The following ADAMTS3 variants were observed in gnomAD, a reference collection of about 807,000 sequenced individuals.
ADAMTS3 encodes ADAM metallopeptidase with thrombospondin type 1 motif 3.
In ADAMTS3, 73 loss-of-function variants were observed where a neutral mutation model predicts 129.0. The observed-to-expected ratio is 0.57, with a 90% CI of 0.47 to 0.69. The LOEUF (loss-of-function observed/expected upper bound fraction) is 0.69, where lower values mean the gene tolerates loss of function less well. Among genes scored for constraint, ADAMTS3 ranks in the 30% least tolerant of loss-of-function variants. The probability of loss-of-function intolerance (pLI) is 0.00; values close to 1 mark genes in which losing one functional copy is unlikely to be tolerated. For synonymous variants in ADAMTS3, 477 were observed against 510.8 expected (o/e 0.93, Z 0.89); for missense variants, 1,457 against 1,514.5 (o/e 0.96, Z 0.63).
chr4:72,372,969 C>G (rs778373693), intron 4 of ADAMTS3, among the ~76,000 whole-genome samples: 1 of 152,122 alleles, frequency 6.6e-6, no homozygotes, highest in South Asian at 2.1e-4. Flanking sequence ...CACTTTAATT[C>G]CATACATATT....
chr4:72,320,639 A>G, intron 7 of ADAMTS3, 75 bp downstream of exon 7: 1 of 1,484,776 alleles, frequency 6.7e-7, no homozygotes, highest in Non-Finnish European at 9.2e-7. Flanking sequence ...GAACATTTGA[A>G]CAGACTGCCT....
At chr4:72,497,451 C>T (rs761771119) in intron 3 of ADAMTS3, among the ~76,000 whole-genome samples, 1 of 151,578 alleles carries the variant, frequency 6.6e-6, no homozygotes, top group Non-Finnish European at 1.5e-5. Flanking sequence ...CTATCTATTG[C>T]TTACATTTTT....
chr4:72,346,845 C>A (rs1460093771), intron 4 of ADAMTS3, among the ~76,000 whole-genome samples: 1 of 152,036 alleles, frequency 6.6e-6, no homozygotes, highest in Non-Finnish European at 1.5e-5. Context: ...CGAACTTACA[C>A]CCTCTTCATC....
At chr4:72,490,093 T>G (rs889205351) in intron 3 of ADAMTS3, among the ~76,000 whole-genome samples, 10 of 151,940 alleles carry the variant, frequency 6.6e-5, no homozygotes, top group African/African-American at 2.4e-4. Flanking sequence ...GAGTTTGATC[T>G]GCATTTCCCT....
intron 4 of ADAMTS3, among the ~76,000 whole-genome samples, chr4:72,345,578 A>G (rs1720258765): frequency 6.6e-6 from 1 of 152,142 alleles, no homozygotes; most frequent in Non-Finnish European, 1.5e-5. Context: ...TCAAAGAACT[A>G]TATTCAGGTC....
At chr4:72,553,865 T>C (rs1039117774) in intron 2 of ADAMTS3, among the ~76,000 whole-genome samples, 5 of 152,218 alleles carry the variant, frequency 3.3e-5, no homozygotes, top group Non-Finnish European at 5.9e-5. Flanking sequence ...CACTTCAGCC[T>C]TTTCTGTAAA....
chr4:72,331,305 C>T (rs1719844617), intron 5 of ADAMTS3, among the ~76,000 whole-genome samples: 2 of 151,994 alleles, frequency 1.3e-5, no homozygotes, highest in South Asian at 4.2e-4. Flanking sequence ...TATGTTCAAT[C>T]CACATTGGGG....
In ADAMTS3 at chr4:72,526,839, G is replaced by A. The variant is rs1720830042; in HGVS notation, c.504+21639C>T. Among the ~76,000 whole-genome samples the A allele has an allele frequency of 2.8e-5, 4 of 143,592 alleles. No homozygotes were observed. The Admixed American group carries it at 2.9e-4, about 10-fold the overall frequency. 94.2% of individuals were successfully genotyped at this position (143,592 alleles called of 152,430 possible). On this transcript the variant is annotated intron_variant, in intron 3 of 21. Coordinates refer to ENST00000286657, the MANE Select transcript of ADAMTS3 (RefSeq NM_014243.3). The stretch of plus-strand genomic sequence containing the variant: ...ATGTATCTATGTTTCAATCCAAGCT[G>A]CCCACACTATCTCAAATATTAGGTG...
At chr4:72,419,107 G>A (rs1196778176) in intron 3 of ADAMTS3, among the ~76,000 whole-genome samples, 2 of 152,088 alleles carry the variant, frequency 1.3e-5, no homozygotes, top group Admixed American at 6.6e-5. Flanking sequence ...TCACAAAAAT[G>A]AGGTGCCCCC....
In ADAMTS3 at chr4:72,304,030, C is replaced by T. The variant is rs1719022482; in HGVS notation, c.2311G>A (p.Glu771Lys). ...TCTATGAAGGTCCGCGACTTGGCTTCCTCCCCTTTGCCATTTAAAATATAA... is the reference window on the plus strand; with the variant it reads ...TCTATGAAGGTCCGCGACTTGGCTTTCTCCCCTTTGCCATTTAAAATATAA... ...GHYILNGKGEEAKSRTFIDLG... is the reference protein window; with the variant it reads ...GHYILNGKGEKAKSRTFIDLG... The change falls in exon 17 of 22, where the codon GAA becomes AAA. Residue 771 changes from glutamate to lysine, a missense_variant. Physicochemically the swap from Glu to Lys is moderately conservative, Grantham distance 56 (BLOSUM62 1). Coordinates refer to ENST00000286657, the MANE Select transcript of ADAMTS3 (RefSeq NM_014243.3). 1.2e-6 allele frequency: 2 copies of T among 1,613,586 alleles called. No homozygotes were observed. The highest frequency in any genetic ancestry group is 2.2e-5 in the South Asian group (2 of 91,084).
intron 3 of ADAMTS3, among the ~76,000 whole-genome samples, chr4:72,529,745 T>C (rs1288750328): frequency 4.5e-5 from 5 of 112,318 alleles, no homozygotes; most frequent in Non-Finnish European, 8.5e-5. Flanking sequence ...ATTTATTTAA[T>C]ATATTGTATA....
chr4:72,304,449 T>C (rs1338585994), intron 16 of ADAMTS3, among the ~76,000 whole-genome samples: 1 of 152,156 alleles, frequency 6.6e-6, no homozygotes, highest in African/African-American at 2.4e-5. Context: ...CAATAATTAA[T>C]AGAAACAATT....
At position 72,291,062 on chromosome 4, in the gene ADAMTS3, G is replaced by A; in HGVS notation, c.2724C>T (p.Leu908=). ...MCNIQECTHP[L]WVAEEWEHCT... ...AGTGTTCCCATTCTTCTGCTACCCAGCTGTGGGTGCGGGGATTTAATATTG... is the reference window on the plus strand; with the variant it reads ...AGTGTTCCCATTCTTCTGCTACCCAACTGTGGGTGCGGGGATTTAATATTG... Residue 908 remains leucine, a splice_region_variant and synonymous_variant, in exon 20 of 22, where the codon CTC becomes CTT. Coordinates refer to ENST00000286657, the MANE Select transcript of ADAMTS3 (RefSeq NM_014243.3). 1 of 1,613,814 alleles carries A rather than the reference G, an allele frequency of 6.2e-7. No individual in the cohort carries two copies. The highest frequency in any genetic ancestry group is 8.5e-7 in the Non-Finnish European group (1 of 1,179,836).
At chr4:72,316,717 C>A (rs919758056) in intron 10 of ADAMTS3, among the ~76,000 whole-genome samples, 8 of 146,468 alleles carry the variant, frequency 5.5e-5, no homozygotes, top group Admixed American at 6.8e-5. Flanking sequence ...TAATAATAAT[C>A]ATAAATACTT....
At chr4:72,518,480 T>C (rs1475298027) in intron 3 of ADAMTS3, among the ~76,000 whole-genome samples, 1 of 152,064 alleles carries the variant, frequency 6.6e-6, no homozygotes, top group Admixed American at 6.6e-5. Context: ...CTAAGTCTCT[T>C]TGTAGGTCAC....
intron 4 of ADAMTS3, among the ~76,000 whole-genome samples, chr4:72,378,647 A>T (rs1409397238): frequency 1.4e-5 from 2 of 146,156 alleles, no homozygotes; most frequent in Admixed American, 6.8e-5. Flanking sequence ...CATGACTTGA[A>T]TTTTTTTTTT....
intron 4 of ADAMTS3, among the ~76,000 whole-genome samples, chr4:72,360,112 C>T (rs1470726554): frequency 6.6e-6 from 1 of 151,968 alleles, no homozygotes; most frequent in Non-Finnish European, 1.5e-5. Flanking sequence ...AGGATAAGGC[C>T]ATATAGTTGT....
At chr4:72,322,616 C>T (rs372648942) in intron 6 of ADAMTS3, among the ~76,000 whole-genome samples, 6 of 152,200 alleles carry the variant, frequency 3.9e-5, no homozygotes, top group East Asian at 1.9e-4. Flanking sequence ...ATTCCAAGCA[C>T]CTAGAAAATG....
chr4:72,382,272 A>G lies in ADAMTS3; in HGVS notation c.661+32543T>C, dbSNP rs139356745. On this transcript the variant is annotated intron_variant, in intron 4 of 21. Transcript: ENST00000286657. ...TCTAATGACTACATAGTAGTCATGG[A>G]TATAATTATGTCATATAATTATATC... Among the ~76,000 whole-genome samples the G allele has an allele frequency of 6.0e-4, 91 of 150,614 alleles. 1 individual carries two copies. The East Asian group carries it at 0.011, about 19-fold the overall frequency.
Sources: gnomAD v4.1 joint callset for allele counts (sites outside exome capture counted in the v4.1 genomes callset) on GRCh38, gnomAD v4.1.1 for gene constraint, MANE v1.5 for transcripts, NCBI Gene and HGNC (gene_info 2026-07-23, HGNC 2026-07-21) for gene names.